ZNF469: variants seen among roughly 807,000 people sequenced by gnomAD.
The protein encoded by ZNF469 is zinc finger protein 469.
Under a neutral mutation model 1.0 loss-of-function variants are expected in ZNF469, and 1 was observed. The ratio of observed to expected loss-of-function variants is 1.00; its 90% CI spans 0.35 to 4.73. The LOEUF (loss-of-function observed/expected upper bound fraction) is 4.73, where lower values mean the gene tolerates loss of function less well. ZNF469 is among the 30% of genes most tolerant of loss of function. The probability of loss-of-function intolerance (pLI) is 0.16; values close to 1 mark genes in which losing one functional copy is unlikely to be tolerated. For synonymous variants in ZNF469, 2,703 were observed against 2,363.4 expected (o/e 1.14, Z -4.17); for missense variants, 6,100 against 5,356.3 (o/e 1.14, Z -4.33).
intron 1 of ZNF469, among the ~76,000 whole-genome samples, chr16:88,423,897 C>G (rs886500880): frequency 3.3e-5 from 5 of 152,232 alleles, no homozygotes; most frequent in African/African-American, 1.2e-4. Context: ...ATATTCTGTT[C>G]ATTAGCAGTG....
intron 1 of ZNF469, among the ~76,000 whole-genome samples, chr16:88,418,919 C>T (rs1045251306): frequency 9.9e-5 from 15 of 152,250 alleles, no homozygotes; most frequent in Admixed American, 2.6e-4. Context: ...CCCCGTACGG[C>T]GAGGACTACA....
chr16:88,392,377 T>G, intron 1 of ZNF469, among the ~76,000 whole-genome samples: 1 of 152,214 alleles, frequency 6.6e-6, no homozygotes, highest in East Asian at 1.9e-4. Flanking sequence ...CGTAGGTGCC[T>G]CCTCCCCAGC....
the ZNF469 span, among the ~76,000 whole-genome samples, chr16:88,363,748 A>C: frequency 7.2e-4 from 110 of 152,302 alleles, 1 homozygote; most frequent in Non-Finnish European, 1.3e-3. Flanking sequence ...CCCAGAAAAC[A>C]CCACAAATAC....
the ZNF469 span, among the ~76,000 whole-genome samples, chr16:88,254,714 C>T: frequency 1.8e-4 from 28 of 152,240 alleles, no homozygotes; most frequent in African/African-American, 5.1e-4. Context: ...GCCAAGATTG[C>T]ATCATTGCAC....
At chr16:88,146,915 C>T in the ZNF469 span, among the ~76,000 whole-genome samples, 5 of 151,898 alleles carry the variant, frequency 3.3e-5, no homozygotes, top group South Asian at 2.1e-4. Context: ...GCTTCCAGCA[C>T]GGTACAGCGT....
rs904063983 is a variant in ZNF469, at chr16:88,432,596, A to C, written c.5126A>C (p.Gln1709Pro). The change falls in exon 3 of 3, where the codon CAG becomes CCG. Residue 1709 changes from glutamine to proline, a missense_variant. Coordinates refer to ENST00000565624, the MANE Select transcript of ZNF469 (RefSeq NM_001367624.2). ...GGAGCCTCCAAGACTGGACTTTGCC[A>C]GGCAGAAGGAGACAGCAGGCCCCCC... ...KAGASKTGLC[Q>P]AEGDSRPPQD... 4.4e-5 allele frequency: 68 copies of C among 1,550,342 alleles called. No homozygotes were observed. The highest frequency in any genetic ancestry group is 5.8e-5 in the Non-Finnish European group (67 of 1,146,998).
At chr16:88,404,985 T>C (rs564480892) in intron 1 of ZNF469, among the ~76,000 whole-genome samples, 12 of 152,200 alleles carry the variant, frequency 7.9e-5, no homozygotes, top group African/African-American at 2.9e-4. Context: ...CATAGCTGGA[T>C]CCAGGTATTC....
At chr16:88,274,214 CT>C in the ZNF469 span, among the ~76,000 whole-genome samples, 1 of 152,164 alleles carries the variant, frequency 6.6e-6, no homozygotes, top group Non-Finnish European at 1.5e-5. Context: ...CAAAAACTGT[CT>C]AATACCCATG....
At chr16:88,115,534 T>C in the ZNF469 span, among the ~76,000 whole-genome samples, 2 of 151,788 alleles carry the variant, frequency 1.3e-5, no homozygotes, top group South Asian at 4.2e-4. Context: ...TGGGCTCCGC[T>C]AAAAATATGC....
chr16:88,278,737 C>T, the ZNF469 span, among the ~76,000 whole-genome samples: 4 of 136,182 alleles, frequency 2.9e-5, no homozygotes, highest in Non-Finnish European at 4.9e-5. Context: ...ACGTAGATAT[C>T]AGTGCACGGT....
the ZNF469 span, among the ~76,000 whole-genome samples, chr16:88,112,131 A>C: frequency 2.0e-5 from 3 of 152,158 alleles, no homozygotes; most frequent in African/African-American, 4.8e-5. Context: ...TACTGTGAAC[A>C]GTGCTGCAGT....
the ZNF469 span, among the ~76,000 whole-genome samples, chr16:88,188,231 C>A: frequency 1.6e-3 from 241 of 152,192 alleles, 2 homozygotes; most frequent in Admixed American, 0.012. Flanking sequence ...CTGTGACACC[C>A]CAACACCTCC....
At chr16:88,119,312 C>A in the ZNF469 span, among the ~76,000 whole-genome samples, 1 of 152,206 alleles carries the variant, frequency 6.6e-6, no homozygotes. Context: ...GCTTCATCCC[C>A]GCACTCTTCC....
chr16:88,141,373 C>A, the ZNF469 span, among the ~76,000 whole-genome samples: 2 of 151,994 alleles, frequency 1.3e-5, no homozygotes, highest in Admixed American at 6.5e-5. Context: ...CTGGGAGGTA[C>A]CCCCGTCCTG....
At chr16:88,303,441 C>T in the ZNF469 span, among the ~76,000 whole-genome samples, 8,041 of 152,248 alleles carry the variant, frequency 0.053, 330 homozygotes, top group East Asian at 0.15. Context: ...CCCAGCTTTC[C>T]AGAGCCCCTC....
chr16:88,419,905 C>G (rs938719886), intron 1 of ZNF469, among the ~76,000 whole-genome samples: 16 of 152,394 alleles, frequency 1.0e-4, no homozygotes, highest in African/African-American at 3.8e-4. Flanking sequence ...CAATGCCCTC[C>G]TCTGCCAAAG....
At chr16:88,203,120 G>T in the ZNF469 span, among the ~76,000 whole-genome samples, 1 of 152,106 alleles carries the variant, frequency 6.6e-6, no homozygotes, top group African/African-American at 2.4e-5. Flanking sequence ...GGAAGGGCAG[G>T]TCTGAAGCTC....
chr16:88,366,721 A>G, the ZNF469 span, among the ~76,000 whole-genome samples: 2 of 151,410 alleles, frequency 1.3e-5, no homozygotes, highest in African/African-American at 2.4e-5. Flanking sequence ...CATCATCACC[A>G]TCATCACATC....
At chr16:88,245,790 C>G in the ZNF469 span, among the ~76,000 whole-genome samples, 1 of 152,274 alleles carries the variant, frequency 6.6e-6, no homozygotes, top group Non-Finnish European at 1.5e-5. Flanking sequence ...ACTCTCCATG[C>G]AGCCACCAGA....
Sources: allele counts gnomAD v4.1 joint callset (sites outside exome capture counted in the v4.1 genomes callset), GRCh38; gene constraint gnomAD v4.1.1; transcripts MANE v1.5; gene names NCBI Gene and HGNC (gene_info 2026-07-23, HGNC 2026-07-21).